Variants in PIK3CA observed in about 807,000 individuals in gnomAD.
The protein encoded by PIK3CA is phosphatidylinositol-4,5-bisphosphate 3-kinase catalytic subunit alpha.
In PIK3CA, 27 loss-of-function variants were observed where a neutral mutation model predicts 138.2. The observed-to-expected ratio is 0.20, with a 90% CI of 0.14 to 0.27. The LOEUF (loss-of-function observed/expected upper bound fraction) is 0.27. PIK3CA is among the 10% of genes least tolerant of loss of function. The pLI is 1.00. For synonymous variants in PIK3CA, 358 were observed against 413.2 expected, an observed-to-expected ratio of 0.87 and a Z score of 1.62; for missense variants, 544 against 1,277.4, an observed-to-expected ratio of 0.43 and a Z score of 8.75.
At chr3:179,173,681 T>G (rs766172921) in intron 1 of PIK3CA, among the ~76,000 whole-genome samples, 1 of 152,172 alleles carries the variant, frequency 6.6e-6, no homozygotes, top group Non-Finnish European at 1.5e-5. Flanking sequence ...ACGTGGTGTA[T>G]TGACAACAAA....
At chr3:179,150,617 T>C (rs1361819776) in intron 1 of PIK3CA, among the ~76,000 whole-genome samples, 1 of 152,184 alleles carries the variant, frequency 6.6e-6, no homozygotes, top group African/African-American at 2.4e-5. Flanking sequence ...CCTTGATATA[T>C]TTAAAAGGGA....
intron 1 of PIK3CA, among the ~76,000 whole-genome samples, chr3:179,157,071 A>T (rs1304837815): frequency 6.6e-6 from 1 of 152,196 alleles, no homozygotes; most frequent in Admixed American, 6.5e-5. Flanking sequence ...AAATATTGAA[A>T]TTAGACACTA....
chr3:179,223,243 A>G (rs1434218648), intron 14 of PIK3CA, among the ~76,000 whole-genome samples: 1 of 152,212 alleles, frequency 6.6e-6, no homozygotes, highest in Non-Finnish European at 1.5e-5. Context: ...AAACTTATTT[A>G]AATTCCAGCA....
Position 179,237,254 on chromosome 3 carries a change from A to T in PIK3CA, c.*2890A>T, listed in dbSNP as rs1000851205. On this transcript the variant is annotated 3_prime_UTR_variant, in exon 21 of 21. Transcript: ENST00000263967. ...AATTGGATTTTTAAAAGAAGAATGG[A>T]ATTTGGTTGCTATTTTACAATAGAA... 9 of 193,878 alleles carry T rather than the reference A, an allele frequency of 4.6e-5. No individual in the cohort carries two copies. The highest frequency in any genetic ancestry group is 2.1e-4 in the African/African-American group (9 of 43,254). 12.0% of individuals were successfully genotyped at this position (193,878 alleles called of 1,614,324 possible). A position where few individuals can be genotyped will look rare whatever the true frequency, so the allele number is the denominator to read the frequency against.
At chr3:179,192,603 CT>C (rs922233076) in intron 1 of PIK3CA, among the ~76,000 whole-genome samples, 1 of 152,204 alleles carries the variant, frequency 6.6e-6, no homozygotes, top group Non-Finnish European at 1.5e-5. Context: ...GATCAGCAAA[CT>C]TTTTTTCTGC....
intron 18 of PIK3CA, 35 bp from the exon 19 acceptor site, chr3:179,229,969 T>C: frequency 7.1e-7 from 1 of 1,413,346 alleles, no homozygotes; most frequent in African/African-American, 1.4e-5. Flanking sequence ...ATCACTATAT[T>C]TCCATACTAC....
intron 6 of PIK3CA, among the ~76,000 whole-genome samples, chr3:179,208,602 T>C (rs2108398208): frequency 6.6e-6 from 1 of 152,312 alleles, no homozygotes. Flanking sequence ...AATGTTTTTT[T>C]AAAATACAAA....
intron 1 of PIK3CA, among the ~76,000 whole-genome samples, chr3:179,154,021 CT>C (rs1259553367): frequency 6.6e-6 from 1 of 152,152 alleles, no homozygotes; most frequent in Non-Finnish European, 1.5e-5. Flanking sequence ...TGGTTAAGGA[CT>C]TTTTAGGTGT....
chr3:179,149,081 G>A (rs2108345074), intron 1 of PIK3CA, among the ~76,000 whole-genome samples: 1 of 152,262 alleles, frequency 6.6e-6, no homozygotes, highest in Non-Finnish European at 1.5e-5. Context: ...CGCCAGCCTG[G>A]CGGCCCTGCG....
In PIK3CA at chr3:179,181,145, G is replaced by A. The variant is rs185030924; in HGVS notation, c.-76-17605G>A. On this transcript the variant is annotated intron_variant, in intron 1 of 20. Coordinates refer to ENST00000263967, the MANE Select transcript of PIK3CA (RefSeq NM_006218.4). ...TTTCTGTCACCACACACCAGATATGGAGAGTAGTAAAAGCAGACAGATGGA... is the reference window on the plus strand; with the variant it reads ...TTTCTGTCACCACACACCAGATATGAAGAGTAGTAAAAGCAGACAGATGGA... Among the ~76,000 whole-genome samples the A allele has an allele frequency of 9.2e-5, 14 of 152,236 alleles. No individual in the cohort carries two copies. The East Asian group carries it at 1.7e-3, about 19-fold the overall frequency.
intron 16 of PIK3CA, among the ~76,000 whole-genome samples, chr3:179,225,524 A>G (rs1725063364): frequency 6.6e-6 from 1 of 152,184 alleles, no homozygotes; most frequent in African/African-American, 2.4e-5. Flanking sequence ...TAATTACTAT[A>G]AATGCTTTAA....
At position 179,210,441 on chromosome 3, in the gene PIK3CA, G is replaced by A. The variant is rs1724679631; in HGVS notation, c.1415G>A (p.Cys472Tyr). 1 of 1,613,026 alleles carries A rather than the reference G, an allele frequency of 6.2e-7. No homozygotes were observed. Among genetic ancestry groups the A allele is most frequent in the South Asian group, 1.1e-5 (1 of 90,776 alleles). Residue 472 changes from cysteine (C) to tyrosine (Y), a missense_variant, in exon 9 of 21, where the codon TGC becomes TAC. Coordinates refer to ENST00000263967, the MANE Select transcript of PIK3CA (RefSeq NM_006218.4). ...TCTTCCATCTCTTAGGAAACTCCATGCTTAGAGTTGGAGTTTGACTGGTTC... is the reference window on the plus strand; with the variant it reads ...TCTTCCATCTCTTAGGAAACTCCATACTTAGAGTTGGAGTTTGACTGGTTC... Reference protein sequence around the residue: ...TGSNPNKETPCLELEFDWFSS... With the variant: ...TGSNPNKETPYLELEFDWFSS...
At chr3:179,165,815 T>C (rs952570775) in intron 1 of PIK3CA, among the ~76,000 whole-genome samples, 1 of 152,202 alleles carries the variant, frequency 6.6e-6, no homozygotes, top group African/African-American at 2.4e-5. Context: ...CATGCTGTTC[T>C]GTGGTTCACA....
chr3:179,209,622 A>G lies in PIK3CA; in HGVS notation c.1173A>G (p.Ile391Met), dbSNP rs2230461. ...GGAATGAATGGCTGAATTATGATAT[A>G]TACATTCCTGATCTTCCTCGTGCTG... ...PRWNEWLNYD[I>M]YIPDLPRAAR... Residue 391 changes from isoleucine to methionine, a missense_variant, in exon 7 of 21, where the codon ATA becomes ATG. Coordinates refer to ENST00000263967, the MANE Select transcript of PIK3CA (RefSeq NM_006218.4). 106,360 of 1,609,518 alleles carry G rather than the reference A, an allele frequency of 0.066. 4,921 individuals are homozygous for G. Among genetic ancestry groups the G allele is most frequent in the African/African-American group, 0.21 (15,815 of 74,780 alleles).
rs1724669877 is a variant in PIK3CA, at chr3:179,210,107, T to G, written c.1252-79T>G. 6.1e-6 allele frequency: 7 copies of G among 1,148,956 alleles called. No individual in the cohort carries two copies. The East Asian group carries it at 1.9e-4, about 30-fold the overall frequency. 71.2% of individuals were successfully genotyped at this position (1,148,956 alleles called of 1,614,324 possible). On this transcript the variant is annotated intron_variant, in intron 7 of 20. Transcript: ENST00000263967. ...CATTATTATAGAGATGATTGTTGAA[T>G]TTTCCTTTTGGGGAAGAAAAGTGTT... is the stretch of plus-strand genomic sequence containing the variant.
chr3:179,202,533 C>T (rs1724442976), intron 4 of PIK3CA, among the ~76,000 whole-genome samples: 1 of 152,124 alleles, frequency 6.6e-6, no homozygotes, highest in Admixed American at 6.5e-5. Context: ...ACGTTTGTGC[C>T]AAGCATATGT....
intron 1 of PIK3CA, among the ~76,000 whole-genome samples, chr3:179,161,395 G>GA (rs1723277194): frequency 6.6e-6 from 1 of 152,146 alleles, no homozygotes; most frequent in Non-Finnish European, 1.5e-5. Flanking sequence ...ATAGGAGAAA[G>GA]AAACATAAAT....
intron 1 of PIK3CA, among the ~76,000 whole-genome samples, chr3:179,171,547 T>C (rs1001633153): frequency 1.3e-5 from 2 of 151,928 alleles, no homozygotes; most frequent in African/African-American, 4.8e-5. Flanking sequence ...ATACTGAGAA[T>C]GAAAGAATGG....
intron 1 of PIK3CA, among the ~76,000 whole-genome samples, chr3:179,159,616 C>T (rs113480651): frequency 2.0e-5 from 3 of 152,168 alleles, no homozygotes; most frequent in Non-Finnish European, 2.9e-5. Flanking sequence ...AGAATCTCAC[C>T]TCATTTATTT....
Sources: allele counts gnomAD v4.1 joint callset (sites outside exome capture counted in the v4.1 genomes callset), GRCh38; gene constraint gnomAD v4.1.1; transcripts MANE v1.5; gene names NCBI Gene and HGNC (gene_info 2026-07-23, HGNC 2026-07-21).